Variants in KCNIP4 observed in about 807,000 individuals in gnomAD.
KCNIP4 encodes the protein potassium voltage-gated channel interacting protein 4.
KCNIP4 carries 12 observed loss-of-function variants against 34.0 expected under a neutral mutation model. The ratio of observed to expected loss-of-function variants is 0.35; its 90% CI spans 0.23 to 0.57. The LOEUF is 0.57. Among genes scored for constraint, KCNIP4 ranks in the 20% least tolerant of loss-of-function variants. KCNIP4 has a pLI of 0.83. For missense variants in KCNIP4, 238 were observed against 311.7 expected (o/e 0.76, Z 1.78); for synonymous variants, 124 against 102.2 (o/e 1.21, Z -1.29).
At chr4:21,048,942 A>ATTTTTT (rs1742671680) in intron 1 of KCNIP4, among the ~76,000 whole-genome samples, 1 of 130,742 alleles carries the variant, frequency 7.6e-6, no homozygotes. Flanking sequence ...CCTTCTGTTT[A>ATTTTTT]TCTTTTTTTT....
chr4:21,261,583 G>C (rs112725247), intron 1 of KCNIP4, among the ~76,000 whole-genome samples: 1 of 152,058 alleles, frequency 6.6e-6, no homozygotes, highest in African/African-American at 2.4e-5. Flanking sequence ...AATTTGACTT[G>C]TCTTACTAAT....
At chr4:20,864,827 C>A (rs1722706091) in intron 2 of KCNIP4, among the ~76,000 whole-genome samples, 1 of 152,054 alleles carries the variant, frequency 6.6e-6, no homozygotes, top group Non-Finnish European at 1.5e-5. Flanking sequence ...CAGAACTGGG[C>A]CTAAATCTTG....
intron 2 of KCNIP4, among the ~76,000 whole-genome samples, chr4:20,864,027 T>C (rs537525726): frequency 7.2e-5 from 9 of 124,280 alleles, no homozygotes; most frequent in Admixed American, 5.5e-4. Context: ...TATGTATACA[T>C]ACATATGTAT....
intron 1 of KCNIP4, among the ~76,000 whole-genome samples, chr4:21,827,552 G>T (rs2109300622): frequency 6.6e-6 from 1 of 152,102 alleles, no homozygotes; most frequent in Middle Eastern, 3.4e-3. Context: ...ATCAAAGTTT[G>T]GTTACATCCT....
At chr4:20,785,274 A>G (rs1055383382) in intron 3 of KCNIP4, among the ~76,000 whole-genome samples, 3 of 151,866 alleles carry the variant, frequency 2.0e-5, no homozygotes, top group African/African-American at 7.3e-5. Flanking sequence ...CACTTTCCCT[A>G]CAGATCAATG....
intron 1 of KCNIP4, among the ~76,000 whole-genome samples, chr4:21,942,380 T>C (rs887901621): frequency 5.9e-5 from 9 of 152,110 alleles, no homozygotes; most frequent in Non-Finnish European, 1.3e-4. Context: ...GAGGTGATCA[T>C]TGATCTGGAA....
At chr4:20,845,935 G>C (rs1406167032) in intron 3 of KCNIP4, among the ~76,000 whole-genome samples, 4 of 152,150 alleles carry the variant, frequency 2.6e-5, no homozygotes, top group African/African-American at 9.7e-5. Flanking sequence ...ACTCCAACCA[G>C]AGCACTTAGC....
chr4:21,274,288 C>T (rs889874959), intron 1 of KCNIP4, among the ~76,000 whole-genome samples: 1 of 152,140 alleles, frequency 6.6e-6, no homozygotes, highest in Non-Finnish European at 1.5e-5. Flanking sequence ...GACAGAAAAA[C>T]TATCCTTGAA....
intron 3 of KCNIP4, among the ~76,000 whole-genome samples, chr4:20,762,257 C>G (rs993990232): frequency 2.0e-5 from 3 of 152,096 alleles, no homozygotes; most frequent in African/African-American, 7.2e-5. Flanking sequence ...GGACACTTAT[C>G]TAATTCATGA....
At chr4:21,109,507 C>T (rs906382498) in intron 1 of KCNIP4, among the ~76,000 whole-genome samples, 3 of 152,172 alleles carry the variant, frequency 2.0e-5, no homozygotes, top group Non-Finnish European at 4.4e-5. Flanking sequence ...CGTCTGTCAC[C>T]CCTTTCTTTG....
intron 1 of KCNIP4, among the ~76,000 whole-genome samples, chr4:20,982,305 C>G (rs550647876): frequency 1.3e-5 from 2 of 152,164 alleles, no homozygotes; most frequent in African/African-American, 2.4e-5. Context: ...TCCAGAGAAC[C>G]AAAACGTGGT....
chr4:21,128,590 C>A (rs1400330601), intron 1 of KCNIP4, among the ~76,000 whole-genome samples: 2 of 152,152 alleles, frequency 1.3e-5, no homozygotes, highest in African/African-American at 2.4e-5. Flanking sequence ...TTCTCATAAA[C>A]CCGGTGCCTA....
chr4:21,172,437 T>A (rs1041771987), intron 1 of KCNIP4, among the ~76,000 whole-genome samples: 1 of 152,194 alleles, frequency 6.6e-6, no homozygotes, highest in Admixed American at 6.5e-5. Context: ...TGTTATAGGA[T>A]TGCCTTGTAT....
chr4:21,377,407 A>G (rs1721054517), intron 1 of KCNIP4, among the ~76,000 whole-genome samples: 2 of 152,236 alleles, frequency 1.3e-5, no homozygotes, highest in Admixed American at 6.5e-5. Flanking sequence ...TCCAGAGACA[A>G]TTACTACAAT....
intron 1 of KCNIP4, among the ~76,000 whole-genome samples, chr4:21,537,245 C>A (rs1412471817): frequency 1.3e-5 from 2 of 152,100 alleles, no homozygotes; most frequent in East Asian, 3.9e-4. Flanking sequence ...TACCTCAAAC[C>A]TTTCTGGTCA....
chr4:21,096,898 C>T (rs1409036881), intron 1 of KCNIP4, among the ~76,000 whole-genome samples: 1 of 152,094 alleles, frequency 6.6e-6, no homozygotes, highest in Non-Finnish European at 1.5e-5. Flanking sequence ...GATGCTATGT[C>T]TCCGTATCCT....
At chr4:21,076,059 C>A (rs564745690) in intron 1 of KCNIP4, among the ~76,000 whole-genome samples, 173 of 152,244 alleles carry the variant, frequency 1.1e-3, no homozygotes, top group African/African-American at 4.0e-3. Context: ...TTCTCTCTGG[C>A]TACACTTAAC....
intron 1 of KCNIP4, among the ~76,000 whole-genome samples, chr4:21,599,749 G>A (rs17557643): frequency 0.15 from 23,249 of 152,040 alleles, 2,059 homozygotes; most frequent in South Asian, 0.21. Context: ...GCTGACTGCT[G>A]TATTCTGTGT....
At chr4:20,838,914 T>C (rs1719378620) in intron 3 of KCNIP4, among the ~76,000 whole-genome samples, 1 of 152,222 alleles carries the variant, frequency 6.6e-6, no homozygotes, top group South Asian at 2.1e-4. Context: ...ATAAGTTGTT[T>C]TTAAAAACTA....
Sources: gnomAD v4.1 joint callset for allele counts (sites outside exome capture counted in the v4.1 genomes callset) on GRCh38, gnomAD v4.1.1 for gene constraint, MANE v1.5 for transcripts, NCBI Gene and HGNC (gene_info 2026-07-23, HGNC 2026-07-21) for gene names.